ARHGAP26: variants seen among roughly 807,000 people sequenced by gnomAD.
ARHGAP26 encodes rho GTPase-activating protein 26.
ARHGAP26 carries 38 observed loss-of-function variants against 104.8 expected under a neutral mutation model. That is an observed-to-expected ratio of 0.36 (90% CI 0.28 to 0.48). ARHGAP26 has a LOEUF of 0.48. ARHGAP26 is among the 20% of genes least tolerant of loss of function. ARHGAP26 has a pLI of 0.99. For missense variants in ARHGAP26, 704 were observed against 947.9 expected, an observed-to-expected ratio of 0.74 and a Z score of 3.38; for synonymous variants, 341 against 340.0, an observed-to-expected ratio of 1.00 and a Z score of -0.03.
chr5:142,874,567 G>T (rs542542896), intron 2 of ARHGAP26, among the ~76,000 whole-genome samples: 17 of 152,158 alleles, frequency 1.1e-4, no homozygotes, highest in Non-Finnish European at 2.4e-4. Flanking sequence ...AATAATTTTG[G>T]CAAAGACGAC....
At chr5:143,191,150 TTAAG>T (rs1805868865) in intron 20 of ARHGAP26, among the ~76,000 whole-genome samples, 1 of 152,240 alleles carries the variant, frequency 6.6e-6, no homozygotes, top group Non-Finnish European at 1.5e-5. Context: ...AGTTGTACAC[TTAAG>T]TAAGGCAGAT....
intron 20 of ARHGAP26, among the ~76,000 whole-genome samples, chr5:143,184,606 G>A (rs1222727024): frequency 2.0e-5 from 3 of 152,146 alleles, no homozygotes; most frequent in Non-Finnish European, 4.4e-5. Flanking sequence ...AGAGGCTAAG[G>A]GAGAACAAAT....
chr5:142,952,958 C>G (rs529553561), intron 11 of ARHGAP26, among the ~76,000 whole-genome samples: 25 of 152,272 alleles, frequency 1.6e-4, no homozygotes, highest in Admixed American at 1.4e-3. Flanking sequence ...ATCCTCCCAC[C>G]TTGGCCTCCC....
chr5:143,169,200 A>G (rs1286138288), intron 20 of ARHGAP26, among the ~76,000 whole-genome samples: 1 of 152,264 alleles, frequency 6.6e-6, no homozygotes, highest in East Asian at 1.9e-4. Flanking sequence ...GACATCTTTT[A>G]CATGTACAGA....
chr5:142,932,904 A>C (rs1400567810), intron 11 of ARHGAP26, among the ~76,000 whole-genome samples: 1 of 152,184 alleles, frequency 6.6e-6, no homozygotes, highest in African/African-American at 2.4e-5. Context: ...GTACCTTTCT[A>C]CTCAGCCATA....
At chr5:143,073,431 A>G (rs1788546394) in intron 17 of ARHGAP26, among the ~76,000 whole-genome samples, 2 of 152,144 alleles carry the variant, frequency 1.3e-5, no homozygotes, top group African/African-American at 2.4e-5. Context: ...AGGTAAAGGA[A>G]TGGGTCAGCC....
At chr5:143,182,046 C>T (rs1804459192) in intron 20 of ARHGAP26, among the ~76,000 whole-genome samples, 2 of 152,244 alleles carry the variant, frequency 1.3e-5, no homozygotes, top group Non-Finnish European at 2.9e-5. Flanking sequence ...GCCTTAGCAG[C>T]ACCTGCTCCT....
chr5:142,926,600 G>A (rs530296786), intron 10 of ARHGAP26, among the ~76,000 whole-genome samples: 2 of 152,234 alleles, frequency 1.3e-5, no homozygotes, highest in East Asian at 3.9e-4. Context: ...CCACTTTGTT[G>A]CGTTACTCAG....
intron 17 of ARHGAP26, among the ~76,000 whole-genome samples, chr5:143,064,533 A>G (rs1412560435): frequency 6.6e-6 from 1 of 151,980 alleles, no homozygotes; most frequent in Non-Finnish European, 1.5e-5. Flanking sequence ...TTTTAAGACT[A>G]AGAATGGGAT....
chr5:142,987,949 A>C (rs902480810), intron 11 of ARHGAP26, among the ~76,000 whole-genome samples: 7 of 152,172 alleles, frequency 4.6e-5, no homozygotes, highest in African/African-American at 1.7e-4. Context: ...ATATTGGCCT[A>C]AAATACTTTT....
chr5:142,914,727 A>G (rs976848128), intron 10 of ARHGAP26, among the ~76,000 whole-genome samples: 1 of 152,204 alleles, frequency 6.6e-6, no homozygotes, highest in Non-Finnish European at 1.5e-5. Flanking sequence ...GAACTGGGGT[A>G]GCAAAGGGGA....
rs371840351 is a variant in ARHGAP26 at position 143,180,369 on chromosome 5, CCA to C, written c.1989-26827_1989-26826del. Among the ~76,000 whole-genome samples the C allele has an allele frequency of 8.5e-3, 1,301 of 152,218 alleles. 18 individuals are homozygous for C. Among genetic ancestry groups the C allele is most frequent in the African/African-American group, 0.029 (1,207 of 41,528 alleles). Reference sequence around the variant, plus strand: ...TCGATCTCTTGACCTCGTGATCTGCCCACCTCAGCCTCCCAAAGTGCTGGGAT... The same window carrying C: ...TCGATCTCTTGACCTCGTGATCTGCCCCTCAGCCTCCCAAAGTGCTGGGAT... On this transcript the variant is annotated intron_variant, in intron 20 of 22. Coordinates refer to ENST00000645722, the MANE Select transcript of ARHGAP26 (RefSeq NM_001135608.3).
chr5:143,143,240 C>T (rs1798774903), intron 19 of ARHGAP26, among the ~76,000 whole-genome samples: 1 of 152,162 alleles, frequency 6.6e-6, no homozygotes, highest in South Asian at 2.1e-4. Context: ...TCGGGCCTGC[C>T]AAGACGTGTG....
rs188959074 is a variant in ARHGAP26, at chr5:142,846,175, A to G, written c.155-27225A>G. ...ATTTATAGCTGACTCATGTTGAGTT[A>G]TATGCCAGACGCTGGCTTTGTGTAT... On this transcript the variant is annotated intron_variant, in intron 1 of 22. Transcript: ENST00000645722. 4.7e-3 allele frequency among the ~76,000 whole-genome samples: 715 copies of G among 152,332 alleles called. 4 individuals carry two copies. Among genetic ancestry groups the G allele is most frequent in the Middle Eastern group, 0.014 (4 of 294 alleles).
chr5:142,866,501 T>C (rs1173886043), intron 1 of ARHGAP26, among the ~76,000 whole-genome samples: 2 of 152,216 alleles, frequency 1.3e-5, no homozygotes, highest in Admixed American at 6.5e-5. Flanking sequence ...AGTTAATGTA[T>C]ATAATATATT....
At chr5:142,790,179 G>A (rs1013341933) in intron 1 of ARHGAP26, among the ~76,000 whole-genome samples, 4 of 152,172 alleles carry the variant, frequency 2.6e-5, no homozygotes, top group Non-Finnish European at 5.9e-5. Flanking sequence ...ATAGTGTAAA[G>A]TACCATGATG....
intron 11 of ARHGAP26, among the ~76,000 whole-genome samples, chr5:142,979,152 C>A (rs1432342753): frequency 1.3e-5 from 2 of 152,062 alleles, no homozygotes; most frequent in Non-Finnish European, 2.9e-5. Flanking sequence ...TTTGATAATA[C>A]CATGGTGAAG....
At chr5:142,915,444 T>A (rs1332256897) in intron 10 of ARHGAP26, 2 of 151,884 alleles carry the variant, frequency 1.3e-5, no homozygotes, top group East Asian at 3.9e-4. Flanking sequence ...CTGCAACCTC[T>A]GCCTCCCGGG....
intron 1 of ARHGAP26, among the ~76,000 whole-genome samples, chr5:142,868,533 G>C (rs555082211): frequency 2.0e-5 from 3 of 152,324 alleles, no homozygotes; most frequent in South Asian, 2.1e-4. Flanking sequence ...GTTGCTGATA[G>C]TGATGGGAAG....
Sources: allele counts gnomAD v4.1 joint callset (sites outside exome capture counted in the v4.1 genomes callset), GRCh38; gene constraint gnomAD v4.1.1; transcripts MANE v1.5; gene names NCBI Gene and HGNC (gene_info 2026-07-23, HGNC 2026-07-21).